The following NR3C1 variants were observed in gnomAD, a reference collection of about 807,000 sequenced individuals.
NR3C1 encodes the protein nuclear receptor subfamily 3 group C member 1.
NR3C1 carries 14 observed loss-of-function variants against 74.0 expected under a neutral mutation model. The observed-to-expected ratio is 0.19, with a 90% CI of 0.12 to 0.30. The LOEUF (loss-of-function observed/expected upper bound fraction) is 0.30, where lower values mean the gene tolerates loss of function less well. NR3C1 is among the 10% of genes least tolerant of loss of function. The pLI, the probability that NR3C1 is intolerant of heterozygous loss-of-function variation, is 1.00. For missense variants in NR3C1, 695 were observed against 909.8 expected (o/e 0.76, Z 3.04); for synonymous variants, 308 against 332.5 (o/e 0.93, Z 0.80).
chr5:143,294,085 CATAAA>C, intron 7 of NR3C1: 2 of 984,714 alleles, frequency 2.0e-6, no homozygotes, highest in East Asian at 1.1e-4. Context: ...TATCCATTAA[CATAAA>C]ATAACTTTTT....
intron 2 of NR3C1, among the ~76,000 whole-genome samples, chr5:143,393,857 G>A (rs1838725173): frequency 6.6e-6 from 1 of 151,986 alleles, no homozygotes; most frequent in Non-Finnish European, 1.5e-5. Flanking sequence ...AAATCAACTA[G>A]AATAAAGGCT....
intron 7 of NR3C1, among the ~76,000 whole-genome samples, chr5:143,292,048 T>C (rs192669278): frequency 6.6e-6 from 1 of 152,338 alleles, no homozygotes; most frequent in East Asian, 1.9e-4. Flanking sequence ...ATGATTGATA[T>C]ATCAAAACTG....
chr5:143,322,118 C>T (rs1332427175), intron 2 of NR3C1, among the ~76,000 whole-genome samples: 1 of 152,178 alleles, frequency 6.6e-6, no homozygotes, highest in African/African-American at 2.4e-5. Context: ...ATTATGCAAG[C>T]TCTTTCTTTG....
chr5:143,426,504 T>C (rs551404800), intron 1 of NR3C1, among the ~76,000 whole-genome samples: 11 of 152,316 alleles, frequency 7.2e-5, no homozygotes, highest in African/African-American at 2.6e-4. Context: ...GCCATTAATA[T>C]TCGTTTTACA....
chr5:143,329,295 C>A (rs969844211), intron 2 of NR3C1, among the ~76,000 whole-genome samples: 16 of 152,162 alleles, frequency 1.1e-4, no homozygotes, highest in African/African-American at 3.9e-4. Flanking sequence ...ACGAGAACAG[C>A]ATGGAGGAAA....
chr5:143,294,108 A>G, intron 7 of NR3C1: 6 of 985,158 alleles, frequency 6.1e-6, no homozygotes, highest in Non-Finnish European at 7.2e-6. Flanking sequence ...TTTGTTGAGC[A>G]AAAATAGTGT....
At chr5:143,328,843 G>A (rs1019540211) in intron 2 of NR3C1, among the ~76,000 whole-genome samples, 1 of 152,122 alleles carries the variant, frequency 6.6e-6, no homozygotes, top group African/African-American at 2.4e-5. Context: ...ATTTCAGCCT[G>A]GACTTCATTG....
intron 8 of NR3C1, 32 bp downstream of exon 8, chr5:143,282,536 C>CTCT: frequency 6.2e-7 from 1 of 1,612,790 alleles, no homozygotes; most frequent in Non-Finnish European, 8.5e-7. Context: ...TCCCAGAAAA[C>CTCT]TCTTATATTT....
At chr5:143,327,585 G>C (rs1464036115) in intron 2 of NR3C1, among the ~76,000 whole-genome samples, 1 of 152,188 alleles carries the variant, frequency 6.6e-6, no homozygotes, top group Non-Finnish European at 1.5e-5. Context: ...AAAATCAAAA[G>C]CAAGTTAGTT....
chr5:143,305,008 C>T (rs1292748491), intron 4 of NR3C1, among the ~76,000 whole-genome samples: 1 of 151,920 alleles, frequency 6.6e-6, no homozygotes. Context: ...ATGACTAATC[C>T]CCAAAAGAAA....
chr5:143,370,627 C>A (rs943883893), intron 2 of NR3C1, among the ~76,000 whole-genome samples: 3 of 152,216 alleles, frequency 2.0e-5, no homozygotes, highest in African/African-American at 7.2e-5. Context: ...TCCTCCCAGA[C>A]TTTAGCAAGG....
chr5:143,377,941 G>A lies in NR3C1; in HGVS notation c.1184+21715C>T, dbSNP rs77374297. On this transcript the variant is annotated intron_variant, in intron 2 of 8. Transcript: ENST00000394464. ...AGTTTCCGTTGATTTATGGTTGAAA[G>A]TAGTCTTTGTAAAGGATGAAATTGG... Among the ~76,000 whole-genome samples, 140 of 152,314 alleles carry A rather than the reference G, an allele frequency of 9.2e-4. 9 individuals are homozygous for A. In the East Asian group the frequency reaches 0.027, roughly 29 times the overall value.
At chr5:143,372,165 T>C (rs1438009770) in intron 2 of NR3C1, among the ~76,000 whole-genome samples, 1 of 152,232 alleles carries the variant, frequency 6.6e-6, no homozygotes, top group Non-Finnish European at 1.5e-5. Flanking sequence ...AGATTCATTC[T>C]TATCATAGAT....
rs902750891 is a variant in NR3C1 at position 143,382,318 on chromosome 5, A to C, written c.1184+17338T>G. ...TGCCTACTATATACCCATAAAAATT[A>C]AAAATAAATTTTAAAAATAAAACTG... is the stretch of plus-strand genomic sequence containing the variant. On this transcript the variant is annotated intron_variant, in intron 2 of 8. Coordinates refer to ENST00000394464, the MANE Select transcript of NR3C1 (RefSeq NM_000176.3). 5.3e-5 allele frequency among the ~76,000 whole-genome samples: 8 copies of C among 152,356 alleles called. No individual in the cohort carries two copies. In the South Asian group the frequency reaches 6.2e-4, roughly 12 times the overall value.
In NR3C1 at chr5:143,399,967, T is replaced by C. The variant is rs1489765141; in HGVS notation, c.873A>G (p.Val291=). The C allele has an allele frequency of 6.2e-7, 1 of 1,614,208 alleles. No individual in the cohort carries two copies. The highest frequency in any genetic ancestry group is 1.7e-5 in the Admixed American group (1 of 60,024). The part of the protein sequence containing the change: ...EDFIELCTPG[V]IKQEKLGTVY... ...CTGTGCCCAGTTTCTCTTGCTTAAT[T>C]ACCCCAGGGGTGCAGAGTTCGATGA... Residue 291 remains valine, a synonymous_variant, in exon 2 of 9, where the codon GTA becomes GTG. Transcript: ENST00000394464.
intron 2 of NR3C1, among the ~76,000 whole-genome samples, chr5:143,322,067 A>G (rs1823502891): frequency 6.6e-6 from 1 of 152,236 alleles, no homozygotes; most frequent in African/African-American, 2.4e-5. Flanking sequence ...TTATGAGATT[A>G]TAATCAGAAT....
intron 2 of NR3C1, among the ~76,000 whole-genome samples, chr5:143,344,935 A>G (rs1828976633): frequency 6.6e-6 from 1 of 152,102 alleles, no homozygotes. Flanking sequence ...AGCTCTGTCC[A>G]GGGCCACTGT....
chr5:143,292,842 T>C (rs1816249751), intron 7 of NR3C1, among the ~76,000 whole-genome samples: 1 of 152,194 alleles, frequency 6.6e-6, no homozygotes, highest in Non-Finnish European at 1.5e-5. Flanking sequence ...TTTCTCTGTA[T>C]TTGTCTATTC....
At chr5:143,292,839 G>A (rs1169482994) in intron 7 of NR3C1, among the ~76,000 whole-genome samples, 1 of 152,128 alleles carries the variant, frequency 6.6e-6, no homozygotes, top group Non-Finnish European at 1.5e-5. Context: ...CTGTTTCTCT[G>A]TATTTGTCTA....
Sources: allele counts gnomAD v4.1 joint callset (sites outside exome capture counted in the v4.1 genomes callset), GRCh38; gene constraint gnomAD v4.1.1; transcripts MANE v1.5; gene names NCBI Gene and HGNC (gene_info 2026-07-23, HGNC 2026-07-21).